The following CLCN7 variants were observed in gnomAD, a reference collection of about 807,000 sequenced individuals.
The protein encoded by CLCN7 is H(+)/Cl(-) exchange transporter 7.
CLCN7 carries 60 observed loss-of-function variants against 102.1 expected under a neutral mutation model. That is an observed-to-expected ratio of 0.59 (90% confidence interval 0.48 to 0.73). The LOEUF is 0.73. Ranked by LOEUF, CLCN7 falls within the 30% of genes least tolerant of loss-of-function variation. CLCN7 has a pLI of 0.00. For synonymous variants in CLCN7, 560 were observed against 490.5 expected, an observed-to-expected ratio of 1.14 and a Z score of -1.87; for missense variants, 962 against 1,125.7, an observed-to-expected ratio of 0.85 and a Z score of 2.08.
At chr16:1,450,929 G>A (rs546315983) in intron 16 of CLCN7, among the ~76,000 whole-genome samples, 3 of 152,352 alleles carry the variant, frequency 2.0e-5, no homozygotes, top group South Asian at 4.1e-4. Flanking sequence ...CGTCCAGCGG[G>A]GCGGCCCAGC....
Position 1,457,882 on chromosome 16 carries a change from G to A in CLCN7, c.676-126C>T, listed in dbSNP as rs2038863579. The A allele has an allele frequency of 2.2e-6, 2 of 917,790 alleles. No individual in the cohort carries two copies. The highest frequency in any genetic ancestry group is 1.6e-5 in the African/African-American group (1 of 61,272). The allele number at this position is 917,790 out of a possible 1,614,324, so 56.9% of individuals were successfully genotyped here. On this transcript the variant is annotated intron_variant, in intron 7 of 24. Transcript: ENST00000382745. The surrounding 1 kb of genome is among the most constrained non-coding windows in gnomAD (Gnocchi z 5.4). ...CTGGGACACGGGGCCTCCGGGAGGG[G>A]GCCAGCACCCCCAGGCTGGGTCTCC...
chr16:1,459,974 G>A (rs1459097728), intron 6 of CLCN7, among the ~76,000 whole-genome samples: 2 of 147,894 alleles, frequency 1.4e-5, no homozygotes, highest in African/African-American at 5.2e-5. Context: ...CCCAGGGAAG[G>A]GGAGCTCAGC....
chr16:1,457,892 C>T lies in CLCN7; in HGVS notation c.676-136G>A, dbSNP rs1045726132. 31 of 849,694 alleles carry T rather than the reference C, an allele frequency of 3.6e-5. No individual in the cohort carries two copies. Among genetic ancestry groups the T allele is most frequent in the Admixed American group, 3.6e-4 (18 of 50,444 alleles). 52.6% of individuals were successfully genotyped at this position (849,694 alleles called of 1,614,324 possible). A position where few individuals can be genotyped will look rare whatever the true frequency, so the allele number is the denominator to read the frequency against. On this transcript the variant is annotated intron_variant, in intron 7 of 24. Transcript: ENST00000382745. This position sits in a 1 kb window ranked among gnomAD's most constrained non-coding sequence, Gnocchi z 5.4. ...GGGCCTCCGGGAGGGGGCCAGCACC[C>T]CCAGGCTGGGTCTCCCCATGGCCAC...
At position 1,455,181 on chromosome 16, in the gene CLCN7, C is replaced by T. The variant is rs745796182; in HGVS notation, c.1051G>A (p.Asp351Asn). 5 of 1,613,654 alleles carry T rather than the reference C, an allele frequency of 3.1e-6. No homozygotes were observed. In the East Asian group the frequency reaches 8.9e-5, roughly 29 times the overall value. ...TTGATGAGGCCTGGGCTGGACAGGT[C>T]CCACATGTTCCCGTGGTAAATGCTC... is the stretch of plus-strand genomic sequence containing the variant. ...VLSIYHGNMWDLSSPGLINFG... is the reference protein window; with the variant it reads ...VLSIYHGNMWNLSSPGLINFG... Residue 351 changes from aspartate (D) to asparagine (N), a missense_variant, in exon 12 of 25, where the codon GAC (aspartate) becomes AAC (asparagine). Asp to Asn is a conservative substitution (Grantham distance 23, BLOSUM62 1). Coordinates refer to ENST00000382745, the MANE Select transcript of CLCN7 (RefSeq NM_001287.6).
chr16:1,458,686 G>A (rs1443268215), intron 7 of CLCN7, among the ~76,000 whole-genome samples: 2 of 152,202 alleles, frequency 1.3e-5, no homozygotes, highest in Non-Finnish European at 2.9e-5. Flanking sequence ...ACTGGGTCAG[G>A]ACTCCCAGCA....
chr16:1,450,392 G>GGACAACGCCCAC (rs2038725604), intron 17 of CLCN7, 105 bp downstream of exon 17: 126 of 1,192,388 alleles, frequency 1.1e-4, no homozygotes, highest in Non-Finnish European at 1.4e-4. Flanking sequence ...AACCACGTGA[G>GGACAACGCCCAC]GTGCGACACT....
At chr16:1,474,349 G>A in intron 1 of CLCN7, 1 of 367,884 alleles carries the variant, frequency 2.7e-6, no homozygotes, top group Non-Finnish European at 5.5e-6. Flanking sequence ...AGATAAAGGC[G>A]CTCAGTCATT....
intron 14 of CLCN7, 86 bp downstream of exon 14, chr16:1,453,748 T>C (rs1337321554): frequency 1.6e-6 from 2 of 1,267,478 alleles, no homozygotes; most frequent in East Asian, 2.3e-5. Context: ...GGCCTAGGAG[T>C]GTAAACCCCA....
chr16:1,459,049 C>T (rs2038883973), intron 7 of CLCN7, 58 bp downstream of exon 7: 1 of 1,434,078 alleles, frequency 7.0e-7, no homozygotes, highest in Admixed American at 1.9e-5. Context: ...GAGAGCTGCT[C>T]CTGAACCAGC....
chr16:1,469,559 G>A (rs1596230527), intron 1 of CLCN7, among the ~76,000 whole-genome samples: 3 of 150,942 alleles, frequency 2.0e-5, no homozygotes, highest in South Asian at 2.1e-4. Context: ...GGTGGTGGGC[G>A]CCTGTAATCC....
intron 10 of CLCN7, 106 bp downstream of exon 10, chr16:1,456,007 C>A: frequency 1.8e-6 from 2 of 1,118,048 alleles, no homozygotes; most frequent in Non-Finnish European, 2.6e-6. Context: ...GCCGTGACTC[C>A]AAGCCTCTGC....
intron 2 of CLCN7, 150 bp from the exon 3 acceptor site, chr16:1,461,824 C>A: frequency 1.4e-6 from 1 of 736,548 alleles, no homozygotes; most frequent in Non-Finnish European, 2.4e-6. Flanking sequence ...GTGGCTGACA[C>A]CTACAATCCC....
In CLCN7 at chr16:1,447,594, G is replaced by C. The variant is rs199862107; in HGVS notation, c.2074-26C>G. On this transcript the variant is annotated intron_variant, in intron 22 of 24. Transcript: ENST00000382745. ...CTGCGGGCGGCAGAGCCCTGTGTCA[G>C]GCACCCAGGCAGCACCCCCGGGGCC... 1.7e-4 allele frequency: 263 copies of C among 1,552,372 alleles called. 1 individual carries two copies. The African/African-American group carries it at 3.3e-3, about 19-fold the overall frequency.
chr16:1,451,830 C>T (rs1017418067), intron 15 of CLCN7, 114 bp from the exon 16 acceptor site: 17 of 819,418 alleles, frequency 2.1e-5, no homozygotes, highest in South Asian at 4.3e-5. Flanking sequence ...CAGCATCAGG[C>T]GCGAAACCAC....
At chr16:1,447,179 C>T (rs538620516) in intron 23 of CLCN7, 93 bp from the exon 24 acceptor site, 32 of 1,270,862 alleles carry the variant, frequency 2.5e-5, no homozygotes, top group East Asian at 1.5e-4. Context: ...CCCACCACGG[C>T]GTCCAGGCAC....
intron 2 of CLCN7, among the ~76,000 whole-genome samples, chr16:1,464,626 C>G (rs1222256254): frequency 1.3e-5 from 2 of 152,366 alleles, no homozygotes; most frequent in Non-Finnish European, 2.9e-5. Flanking sequence ...ATGCCTCAGC[C>G]TCTGACGTGG....
In CLCN7 at chr16:1,446,298, G is replaced by T; in HGVS notation, c.*333C>A. Reference sequence around the variant, plus strand: ...CACGCACACGGGCACAGGCACGCAGGTGCCGGCCCTGCCGCTGGCTCCCAA... The same window carrying T: ...CACGCACACGGGCACAGGCACGCAGTTGCCGGCCCTGCCGCTGGCTCCCAA... On this transcript the variant is annotated 3_prime_UTR_variant, in exon 25 of 25. Transcript: ENST00000382745. The T allele has an allele frequency of 1.4e-6, 1 of 699,732 alleles. No individual in the cohort carries two copies. Among genetic ancestry groups the T allele is most frequent in the Non-Finnish European group, 2.6e-6 (1 of 383,966 alleles). The allele number at this position is 699,732 out of a possible 1,614,324, so 43.3% of individuals were successfully genotyped here.
chr16:1,447,367 G>A lies in CLCN7; in HGVS notation c.2250+25C>T, dbSNP rs200664965. 224 of 1,520,016 alleles carry A rather than the reference G, an allele frequency of 1.5e-4. 3 individuals are homozygous for A. In the East Asian group the frequency reaches 4.6e-3, roughly 31 times the overall value. 94.2% of individuals were successfully genotyped at this position (1,520,016 alleles called of 1,614,324 possible). The stretch of plus-strand genomic sequence containing the variant: ...CCTGCTGTTCAGTCCCAGGCCCCAC[G>A]CCCATGCCCATGCCCTGCACATGCC... On this transcript the variant is annotated intron_variant, in intron 23 of 24. Transcript: ENST00000382745.
intron 17 of CLCN7, 194 bp downstream of exon 17, chr16:1,450,303 G>A: frequency 1.8e-6 from 1 of 558,586 alleles, no homozygotes; most frequent in Non-Finnish European, 3.3e-6. Flanking sequence ...GGGCTGCGCT[G>A]CCACAGTACA....
Sources: gnomAD v4.1 joint callset for allele counts (sites outside exome capture counted in the v4.1 genomes callset) on GRCh38, gnomAD v4.1.1 for gene constraint, Gnocchi (gnomAD v3.1) non-coding constraint, MANE v1.5 for transcripts, NCBI Gene and HGNC (gene_info 2026-07-23, HGNC 2026-07-21) for gene names.